The following SMARCD1 variants were observed in gnomAD, a reference collection of about 807,000 sequenced individuals.
SMARCD1 encodes SWI/SNF-related matrix-associated actin-dependent regulator of chromatin subfamily D member 1.
A neutral mutation model predicts 70.8 loss-of-function variants in SMARCD1; 16 were observed. The observed-to-expected ratio is 0.23, with a 90% CI of 0.15 to 0.34. The LOEUF (loss-of-function observed/expected upper bound fraction) is 0.34. SMARCD1 is among the 10% of genes least tolerant of loss of function. SMARCD1 has a pLI of 1.00. For missense variants in SMARCD1, 409 were observed against 655.5 expected (o/e 0.62, Z 4.11); for synonymous variants, 249 against 246.0 (o/e 1.01, Z -0.11).
Position 50,099,371 on chromosome 12 carries a change from C to T in SMARCD1, c.*371C>T. ...CTAACTGATCCTGCCCTTCAGAGACCCAGGAGTTGGGAGCTTTCGCTCCTT... is the reference window on the plus strand; with the variant it reads ...CTAACTGATCCTGCCCTTCAGAGACTCAGGAGTTGGGAGCTTTCGCTCCTT... On this transcript the variant is annotated 3_prime_UTR_variant, in exon 13 of 13. Coordinates refer to ENST00000394963, the MANE Select transcript of SMARCD1 (RefSeq NM_003076.5). 2.2e-6 allele frequency: 1 copy of T among 459,092 alleles called. No individual in the cohort carries two copies. Among genetic ancestry groups the T allele is most frequent in the Non-Finnish European group, 3.8e-6 (1 of 261,084 alleles). The allele number at this position is 459,092 out of a possible 1,614,324, so 28.4% of individuals were successfully genotyped here. A position where few individuals can be genotyped will look rare whatever the true frequency, so the allele number is the denominator to read the frequency against.
chr12:50,098,534 C>T (rs540017737), intron 11 of SMARCD1, 180 bp from the exon 12 acceptor site: 2 of 603,356 alleles, frequency 3.3e-6, no homozygotes, highest in South Asian at 3.9e-5. Flanking sequence ...ATGACCTCAT[C>T]TTAACTTGAG....
intron 9 of SMARCD1, among the ~76,000 whole-genome samples, chr12:50,093,232 A>T (rs1053216571): frequency 6.6e-6 from 1 of 151,418 alleles, no homozygotes; most frequent in African/African-American, 2.4e-5. Context: ...TCTGTCATCC[A>T]GGCTGGAGTG....
chr12:50,092,527 TTTTTTTTTTTTTCTTTTGACCC>T (rs1478720995), intron 9 of SMARCD1, among the ~76,000 whole-genome samples: 5 of 149,190 alleles, frequency 3.4e-5, no homozygotes, highest in Non-Finnish European at 1.5e-5. Flanking sequence ...CGGTGGGCTT[TTTTTTTTTTTTTCTTTTGACCC>T]TGAACCTACA....
At chr12:50,098,587 G>C (rs1950912557) in intron 11 of SMARCD1, 127 bp from the exon 12 acceptor site, 1 of 688,646 alleles carries the variant, frequency 1.5e-6, no homozygotes, top group South Asian at 1.7e-5. Flanking sequence ...ACATTCACAG[G>C]TACTAGGGGT....
chr12:50,085,431 G>A lies in SMARCD1; in HGVS notation c.62G>A (p.Gly21Glu). The A allele has an allele frequency of 8.0e-7, 1 of 1,242,434 alleles. No individual in the cohort carries two copies. 77.0% of individuals were successfully genotyped at this position (1,242,434 alleles called of 1,614,324 possible). A position where few individuals can be genotyped will look rare whatever the true frequency, so the allele number is the denominator to read the frequency against. ...AGCGGCGGCGCCGGAGCCTCAGGAG[G>A]GGCGGGCGCGGCTGCTGCCTTGGGC... ...APSGGAGASG[G>E]AGAAAALGPG... The change falls in exon 1 of 13, where the codon GGG becomes GAG. Residue 21 changes from glycine to glutamate, a missense_variant. By Grantham distance (98) the Gly-to-Glu change is moderately conservative. Transcript: ENST00000394963.
At chr12:50,090,728 C>G in intron 9 of SMARCD1, 138 bp downstream of exon 9, 1 of 516,836 alleles carries the variant, frequency 1.9e-6, no homozygotes, top group Non-Finnish European at 3.5e-6. Context: ...AATTAAATTA[C>G]ATAAACTTAT....
At chr12:50,095,206 C>T (rs546335048) in intron 10 of SMARCD1, among the ~76,000 whole-genome samples, 1 of 152,304 alleles carries the variant, frequency 6.6e-6, no homozygotes, top group East Asian at 1.9e-4. Context: ...ACTTCTGCTA[C>T]TATTATTGTT....
chr12:50,096,687 A>C, intron 10 of SMARCD1, 163 bp from the exon 11 acceptor site: 1 of 589,168 alleles, frequency 1.7e-6, no homozygotes, highest in South Asian at 2.3e-5. Context: ...TTGCTGAAAG[A>C]ATGCCAAGGG....
chr12:50,086,120 A>G, intron 1 of SMARCD1, 41 bp from the exon 2 acceptor site: 1 of 1,403,208 alleles, frequency 7.1e-7, no homozygotes, highest in Non-Finnish European at 9.5e-7. Flanking sequence ...GGGGTTTAGC[A>G]GGTGAAACCA....
chr12:50,087,333 C>T (rs369227022), intron 4 of SMARCD1, 30 bp from the exon 5 acceptor site: 84 of 1,610,514 alleles, frequency 5.2e-5, no homozygotes, highest in Non-Finnish European at 6.3e-5. Context: ...ACTGAAGCCC[C>T]ACGATCAATC....
At chr12:50,097,937 A>G (rs1375589201) in intron 11 of SMARCD1, among the ~76,000 whole-genome samples, 1 of 151,894 alleles carries the variant, frequency 6.6e-6, no homozygotes, top group African/African-American at 2.4e-5. Flanking sequence ...GACCAGGACC[A>G]ATAAGATGAT....
rs532027064 is a variant in SMARCD1 at position 50,089,771 on chromosome 12, T to A, written c.772-113T>A. On this transcript the variant is annotated intron_variant, in intron 6 of 12. Transcript: ENST00000394963. ...TTTAAAATGCCTCATGCTATTACTC[T>A]TCTCCAGTAGCCTCAGTAATCAAAG... 1.8e-5 allele frequency: 13 copies of A among 715,704 alleles called. No homozygotes were observed. The East Asian group carries it at 3.4e-4, about 19-fold the overall frequency. The allele number at this position is 715,704 out of a possible 1,614,324, so 44.3% of individuals were successfully genotyped here.
chr12:50,092,444 G>A (rs191741569), intron 9 of SMARCD1, among the ~76,000 whole-genome samples: 4 of 149,730 alleles, frequency 2.7e-5, no homozygotes, highest in Admixed American at 6.6e-5. Flanking sequence ...GGATGGTCTC[G>A]ATCTCTTGGT....
rs1028043905 is a variant in SMARCD1, at chr12:50,100,127, C to G, written c.*1127C>G. On this transcript the variant is annotated 3_prime_UTR_variant, in exon 13 of 13. Transcript: ENST00000394963. Reference sequence around the variant, plus strand: ...AGCAGCAGGACCTTGTGATCTTGGCCCCTTGGATCTGAGATGGTTTTTGCA... The same window carrying G: ...AGCAGCAGGACCTTGTGATCTTGGCGCCTTGGATCTGAGATGGTTTTTGCA... 2 of 152,696 alleles carry G rather than the reference C, an allele frequency of 1.3e-5. No homozygotes were observed. The highest frequency in any genetic ancestry group is 4.8e-5 in the African/African-American group (2 of 41,448). The allele number at this position is 152,696 out of a possible 1,614,324, so 9.5% of individuals were successfully genotyped here. A position where few individuals can be genotyped will look rare whatever the true frequency, so the allele number is the denominator to read the frequency against.
At chr12:50,096,444 G>A (rs1453749627) in intron 10 of SMARCD1, among the ~76,000 whole-genome samples, 1 of 152,180 alleles carries the variant, frequency 6.6e-6, no homozygotes, top group Non-Finnish European at 1.5e-5. Context: ...CAAAGAAATT[G>A]CCGGGAGGAG....
intron 5 of SMARCD1, 117 bp downstream of exon 5, chr12:50,087,602 G>A: frequency 8.2e-7 from 1 of 1,221,590 alleles, no homozygotes; most frequent in Non-Finnish European, 1.2e-6. Flanking sequence ...GGAGCAGTAA[G>A]GAGAGGGACA....
Position 50,087,405 on chromosome 12 carries a change from C to T in SMARCD1, c.574C>T (p.Pro192Ser). Residue 192 changes from proline to serine, a missense_variant, in exon 5 of 13, where the codon CCG (proline) becomes TCG (serine). This residue lies in a region of SMARCD1 where 269 missense variants were observed against 498.6 expected (regional missense o/e 0.54). Transcript: ENST00000394963. ...AATTTTCATTTCTAACACTTTCAAT[C>T]CGGCTAAGTCAGATGCCGAGGATGG... ...LRIFISNTFNPAKSDAEDGEG... is the reference protein window; with the variant it reads ...LRIFISNTFNSAKSDAEDGEG... The T allele has an allele frequency of 6.2e-7, 1 of 1,614,106 alleles. No individual in the cohort carries two copies. Among genetic ancestry groups the T allele is most frequent in the Non-Finnish European group, 8.5e-7 (1 of 1,179,966 alleles).
intron 4 of SMARCD1, 95 bp downstream of exon 4, chr12:50,086,973 T>C: frequency 7.8e-7 from 1 of 1,277,786 alleles, no homozygotes; most frequent in Non-Finnish European, 1.1e-6. Context: ...AGCACAACTC[T>C]CCTTGGCATT....
At chr12:50,090,821 CTTTTTTTTTT>C (rs11443542) in intron 9 of SMARCD1, among the ~76,000 whole-genome samples, 2 of 102,438 alleles carry the variant, frequency 2.0e-5, no homozygotes, top group African/African-American at 7.9e-5. Flanking sequence ...TGTATTTGTG[CTTTTTTTTTT>C]TTTTTTTTTT....
Sources: gnomAD v4.1 joint callset for allele counts (sites outside exome capture counted in the v4.1 genomes callset) on GRCh38, gnomAD v4.1.1 for gene constraint, gnomAD v4.1.1 regional missense constraint, MANE v1.5 for transcripts, NCBI Gene and HGNC (gene_info 2026-07-23, HGNC 2026-07-21) for gene names.